The following ZBTB7C variants were observed in gnomAD, a reference collection of about 807,000 sequenced individuals.
ZBTB7C encodes the protein zinc finger and BTB domain containing 7C.
A neutral mutation model predicts 25.7 loss-of-function variants in ZBTB7C; 8 were observed. That is an observed-to-expected ratio of 0.31 (90% CI 0.18 to 0.56). The LOEUF is 0.56. Among genes scored for constraint, ZBTB7C ranks in the 20% least tolerant of loss-of-function variants. The pLI is 0.91. For missense variants in ZBTB7C, 824 were observed against 855.2 expected (o/e 0.96, Z 0.46); for synonymous variants, 394 against 369.0 (o/e 1.07, Z -0.78).
chr18:48,373,825 G>A (rs1375584415), intron 1 of ZBTB7C, among the ~76,000 whole-genome samples: 6 of 152,158 alleles, frequency 3.9e-5, no homozygotes, highest in Admixed American at 3.9e-4. Context: ...GCCAGGCATG[G>A]TGGCGGGGGC....
At chr18:48,212,907 T>G (rs1173694200) in intron 2 of ZBTB7C, among the ~76,000 whole-genome samples, 1 of 152,158 alleles carries the variant, frequency 6.6e-6, no homozygotes, top group African/African-American at 2.4e-5. Flanking sequence ...CTCCTCTGCC[T>G]GGCCAGCCTG....
At chr18:48,293,964 G>T (rs1186805672) in intron 2 of ZBTB7C, among the ~76,000 whole-genome samples, 2 of 152,198 alleles carry the variant, frequency 1.3e-5, no homozygotes, top group Non-Finnish European at 2.9e-5. Flanking sequence ...AAATGAACAA[G>T]CTGGAGATCA....
chr18:48,211,934 GA>G (rs2042711371), intron 2 of ZBTB7C, among the ~76,000 whole-genome samples: 1 of 152,210 alleles, frequency 6.6e-6, no homozygotes, highest in Non-Finnish European at 1.5e-5. Context: ...ACTTGGAAGT[GA>G]CCAAGGTGTC....
chr18:48,343,246 C>T (rs2046646556), intron 1 of ZBTB7C, among the ~76,000 whole-genome samples: 1 of 152,092 alleles, frequency 6.6e-6, no homozygotes, highest in Non-Finnish European at 1.5e-5. Flanking sequence ...TTTACAGTAC[C>T]TTCTAGCACC....
chr18:48,383,630 T>G (rs2047681524), intron 1 of ZBTB7C, among the ~76,000 whole-genome samples: 1 of 152,216 alleles, frequency 6.6e-6, no homozygotes, highest in Non-Finnish European at 1.5e-5. Flanking sequence ...ACTACATTTC[T>G]TTTCATACTT....
intron 3 of ZBTB7C, among the ~76,000 whole-genome samples, chr18:48,115,290 C>T (rs916355995): frequency 2.0e-5 from 3 of 152,254 alleles, no homozygotes; most frequent in Admixed American, 6.5e-5. Flanking sequence ...GCTCTGTCGC[C>T]CAAGCTGGAG....
chr18:48,282,676 T>C (rs2044901085), intron 2 of ZBTB7C, among the ~76,000 whole-genome samples: 1 of 152,154 alleles, frequency 6.6e-6, no homozygotes, highest in African/African-American at 2.4e-5. Flanking sequence ...AATATGAGAA[T>C]GTACAAATTA....
At chr18:48,364,752 G>T (rs780321681) in intron 1 of ZBTB7C, among the ~76,000 whole-genome samples, 4 of 152,184 alleles carry the variant, frequency 2.6e-5, no homozygotes, top group Middle Eastern at 3.2e-3. Flanking sequence ...TATCCTTCCA[G>T]AGGTATTGTA....
intron 3 of ZBTB7C, 195 bp from the exon 4 acceptor site, chr18:48,041,318 A>AC: frequency 2.0e-6 from 2 of 985,304 alleles, no homozygotes; most frequent in Non-Finnish European, 2.4e-6. Flanking sequence ...TTTTCTCTGG[A>AC]CCCCTAAGAC....
intron 4 of ZBTB7C, among the ~76,000 whole-genome samples, chr18:48,038,186 G>A (rs557898433): frequency 3.4e-4 from 51 of 152,192 alleles, no homozygotes; most frequent in Non-Finnish European, 2.5e-4. Context: ...ACAGGAGCAG[G>A]GCGCCCTGCT....
At chr18:48,371,147 G>A (rs925368752) in intron 1 of ZBTB7C, among the ~76,000 whole-genome samples, 2 of 152,120 alleles carry the variant, frequency 1.3e-5, no homozygotes, top group Admixed American at 6.5e-5. Flanking sequence ...CTGAAGAGGC[G>A]AGAGGAGGAA....
chr18:48,090,022 G>T (rs1345088719), intron 3 of ZBTB7C, among the ~76,000 whole-genome samples: 1 of 152,244 alleles, frequency 6.6e-6, no homozygotes, highest in African/African-American at 2.4e-5. Flanking sequence ...AGGGCAGTGA[G>T]GTGGGTAGTT....
chr18:48,029,306 A>G lies in ZBTB7C; in HGVS notation c.1814T>C (p.Leu605Pro), dbSNP rs1011850873. Residue 605 changes from leucine (L) to proline (P), a missense_variant, in exon 5 of 5, where the codon CTC (leucine) becomes CCC (proline). Around this residue, in one of 4 missense-constraint regions of ZBTB7C, gnomAD observed 342 missense variants for 307.0 expected, o/e 1.11. Coordinates refer to ENST00000590800, the MANE Select transcript of ZBTB7C (RefSeq NM_001318841.2). ...WAAGLAGLPG[L>P]AGLNHVASMS... ...GGAGGCCACGTGGTTGAGGCCGGCG[A>G]GCCCAGGGAGGCCGGCCAGGCCGGC... The G allele has an allele frequency of 1.3e-6, 2 of 1,537,112 alleles. No individual in the cohort carries two copies. Among genetic ancestry groups the G allele is most frequent in the African/African-American group, 2.7e-5 (2 of 72,960 alleles).
At chr18:48,352,656 T>A (rs1417465093) in intron 1 of ZBTB7C, among the ~76,000 whole-genome samples, 1 of 152,126 alleles carries the variant, frequency 6.6e-6, no homozygotes, top group African/African-American at 2.4e-5. Context: ...CTGGGGGCAC[T>A]GGGTCCAGAA....
intron 2 of ZBTB7C, among the ~76,000 whole-genome samples, chr18:48,262,536 G>A (rs2044201255): frequency 6.6e-6 from 1 of 152,132 alleles, no homozygotes. Context: ...TAGATGATGT[G>A]GAAATGCTCA....
chr18:48,133,481 G>C (rs1434717368), intron 3 of ZBTB7C, among the ~76,000 whole-genome samples: 1 of 152,152 alleles, frequency 6.6e-6, no homozygotes, highest in Admixed American at 6.5e-5. Flanking sequence ...TCCCTTCAAA[G>C]GAATTACTCA....
At chr18:48,387,219 G>A (rs2047768837) in intron 1 of ZBTB7C, among the ~76,000 whole-genome samples, 1 of 152,208 alleles carries the variant, frequency 6.6e-6, no homozygotes, top group Admixed American at 6.5e-5. Flanking sequence ...TCGAAGTCTG[G>A]TCAAGAGTGG....
At chr18:48,306,606 T>C (rs1360278553) in intron 2 of ZBTB7C, among the ~76,000 whole-genome samples, 4 of 152,186 alleles carry the variant, frequency 2.6e-5, no homozygotes, top group Admixed American at 2.0e-4. Flanking sequence ...CCATATAGAA[T>C]TCCATATAGC....
intron 3 of ZBTB7C, among the ~76,000 whole-genome samples, chr18:48,167,563 G>GGTGTGTGTGTGTGT (rs748451365): frequency 2.5e-4 from 36 of 142,578 alleles, no homozygotes; most frequent in East Asian, 4.2e-4. Context: ...GCATTGCTAG[G>GGTGTGTGTGTGTGT]GTGTGTGTGT....
Sources: allele counts gnomAD v4.1 joint callset (sites outside exome capture counted in the v4.1 genomes callset), GRCh38; gene constraint gnomAD v4.1.1; regional missense constraint gnomAD v4.1.1; transcripts MANE v1.5; gene names NCBI Gene and HGNC (gene_info 2026-07-23, HGNC 2026-07-21).